FBLN1: variants seen among roughly 807,000 people sequenced by gnomAD.
FBLN1 encodes the protein fibulin-1.
A neutral mutation model predicts 89.7 loss-of-function variants in FBLN1; 34 were observed. The ratio of observed to expected loss-of-function variants is 0.38; its 90% CI spans 0.29 to 0.50. The LOEUF is 0.50. FBLN1 is among the 20% of genes least tolerant of loss of function. FBLN1 has a pLI of 0.92. For missense variants in FBLN1, 777 were observed against 988.1 expected, an observed-to-expected ratio of 0.79 and a Z score of 2.86; for synonymous variants, 393 against 391.3, an observed-to-expected ratio of 1.00 and a Z score of -0.05.
In FBLN1 at chr22:45,588,162, G is replaced by A. The variant is rs894443451; in HGVS notation, c.1972+11054G>A. Among the ~76,000 whole-genome samples the A allele has an allele frequency of 1.3e-5, 2 of 152,166 alleles. No homozygotes were observed. Among genetic ancestry groups the A allele is most frequent in the East Asian group, 1.9e-4 (1 of 5,196 alleles). On this transcript the variant is annotated intron_variant, in intron 16 of 16. Transcript: ENST00000327858. The surrounding 1 kb of genome is among the most constrained non-coding windows in gnomAD (Gnocchi z 5.1). ...AGTGGGAGGCGGGGTGCAGCATGGC[G>A]GTACAGCTTTAAATCTGGTGGTCAG...
intron 1 of FBLN1, among the ~76,000 whole-genome samples, chr22:45,506,061 G>A (rs891373512): frequency 6.6e-6 from 1 of 152,236 alleles, no homozygotes; most frequent in Non-Finnish European, 1.5e-5. Flanking sequence ...GAGCCACCGT[G>A]CCGGCTGGCA....
At chr22:45,524,847 G>A (rs1048790495) in intron 2 of FBLN1, among the ~76,000 whole-genome samples, 11 of 152,150 alleles carry the variant, frequency 7.2e-5, no homozygotes, top group African/African-American at 2.2e-4. Flanking sequence ...CACTTCGGGA[G>A]GCTGAGGCGG....
chr22:45,533,022 T>C, intron 5 of FBLN1, 41 bp from the exon 6 acceptor site: 1 of 1,559,902 alleles, frequency 6.4e-7, no homozygotes, highest in South Asian at 1.1e-5. Flanking sequence ...AGGCGGTGCC[T>C]GGGTGCGTCC....
Position 45,550,687 on chromosome 22 carries a change from T to G in FBLN1, c.1697+72T>G, listed in dbSNP as rs2088690920. On this transcript the variant is annotated intron_variant, in intron 14 of 16. Coordinates refer to ENST00000327858, the MANE Select transcript of FBLN1 (RefSeq NM_006486.3). The surrounding 1 kb of genome is among the most constrained non-coding windows in gnomAD (Gnocchi z 8.4). Reference sequence around the variant, plus strand: ...CCTGGTGACCCAGTTCCCGGGTGGGTGGGTTATCAGGCTGTGACCTCGGTG... The same window carrying G: ...CCTGGTGACCCAGTTCCCGGGTGGGGGGGTTATCAGGCTGTGACCTCGGTG... 1 of 1,609,866 alleles carries G rather than the reference T, an allele frequency of 6.2e-7. No individual in the cohort carries two copies. Among genetic ancestry groups the G allele is most frequent in the Non-Finnish European group, 8.5e-7 (1 of 1,177,078 alleles).
chr22:45,594,630 G>A (rs62225056), intron 16 of FBLN1, among the ~76,000 whole-genome samples: 9 of 151,962 alleles, frequency 5.9e-5, no homozygotes, highest in African/African-American at 1.9e-4. Flanking sequence ...GGACAGATGG[G>A]TTGATTGGTG....
chr22:45,534,225 G>A (rs2088450788), intron 7 of FBLN1, among the ~76,000 whole-genome samples: 1 of 126,392 alleles, frequency 7.9e-6, no homozygotes, highest in South Asian at 2.6e-4. Context: ...TTTCTAAAAA[G>A]GCTCAGTGCA....
chr22:45,508,260 C>T (rs1017675958), intron 1 of FBLN1, among the ~76,000 whole-genome samples: 2 of 148,566 alleles, frequency 1.3e-5, no homozygotes, highest in Non-Finnish European at 3.0e-5. Context: ...ATACCCCTCA[C>T]CAGCACACTG....
rs150222905 is a variant in FBLN1, at chr22:45,516,347, G to A, written c.80-2335G>A. On this transcript the variant is annotated intron_variant, in intron 1 of 16. Coordinates refer to ENST00000327858, the MANE Select transcript of FBLN1 (RefSeq NM_006486.3). ...TGGCTGCACAGGGGAGAGCAGCCTCGCTGTCAGGCCACATGGCTGGATCAC... is the reference window on the plus strand; with the variant it reads ...TGGCTGCACAGGGGAGAGCAGCCTCACTGTCAGGCCACATGGCTGGATCAC... 3.5e-3 allele frequency among the ~76,000 whole-genome samples: 534 copies of A among 152,308 alleles called. 2 individuals carry two copies. Among genetic ancestry groups the A allele is most frequent in the African/African-American group, 0.012 (502 of 41,550 alleles).
chr22:45,546,997 G>T, intron 11 of FBLN1, 88 bp from the exon 12 acceptor site: 3 of 1,595,540 alleles, frequency 1.9e-6, no homozygotes, highest in Non-Finnish European at 1.7e-6. Flanking sequence ...GAGGTGGAGA[G>T]GAGATTTTCT....
At chr22:45,559,443 T>C (rs1383768220) in intron 14 of FBLN1, among the ~76,000 whole-genome samples, 1 of 152,196 alleles carries the variant, frequency 6.6e-6, no homozygotes. Context: ...TTTACTGTTT[T>C]TCTAGGTAGA....
In FBLN1 at chr22:45,574,747, T is replaced by G; in HGVS notation, c.1840+94T>G. 2 of 1,041,340 alleles carry G rather than the reference T, an allele frequency of 1.9e-6. No homozygotes were observed. The highest frequency in any genetic ancestry group is 2.9e-6 in the Non-Finnish European group (2 of 693,504). The allele number at this position is 1,041,340 out of a possible 1,614,324, so 64.5% of individuals were successfully genotyped here. A position where few individuals can be genotyped will look rare whatever the true frequency, so the allele number is the denominator to read the frequency against. On this transcript the variant is annotated intron_variant, in intron 15 of 16. Coordinates refer to ENST00000327858, the MANE Select transcript of FBLN1 (RefSeq NM_006486.3). This position sits in a 1 kb window ranked among gnomAD's most constrained non-coding sequence, Gnocchi z 4.1. Reference sequence around the variant, plus strand: ...CCTACAGGAGTTGTTCCTTGTAAGATGTGGCCCAGGCTTTGAAATGCAGAA... The same window carrying G: ...CCTACAGGAGTTGTTCCTTGTAAGAGGTGGCCCAGGCTTTGAAATGCAGAA...
rs1490006624 is a variant in FBLN1 at position 45,561,249 on chromosome 22, T to A, written c.1697+10634T>A. 6.6e-6 allele frequency among the ~76,000 whole-genome samples: 1 copy of A among 152,216 alleles called. No individual in the cohort carries two copies. Among genetic ancestry groups the A allele is most frequent in the African/African-American group, 2.4e-5 (1 of 41,466 alleles). ...GTCTGTTTTTCCACAATTTCAGCTC[T>A]TCCTCTACAGGAGATAAGACTCTCA... On this transcript the variant is annotated intron_variant, in intron 14 of 16. Coordinates refer to ENST00000327858, the MANE Select transcript of FBLN1 (RefSeq NM_006486.3). This position sits in a 1 kb window ranked among gnomAD's most constrained non-coding sequence, Gnocchi z 4.7.
In FBLN1 at chr22:45,533,864, T is replaced by C; in HGVS notation, c.750T>C (p.Thr250=). ...FRCQRDSSCG[T]GYELTEDNSC... ...GCCAGCGGGACAGCAGCTGCGGGACTGGCTATGAGCTCACAGAGGACAATA... is the reference window on the plus strand; with the variant it reads ...GCCAGCGGGACAGCAGCTGCGGGACCGGCTATGAGCTCACAGAGGACAATA... Residue 250 remains threonine (T), a synonymous_variant, in exon 7 of 17, where the codon ACT becomes ACC. Coordinates refer to ENST00000327858, the MANE Select transcript of FBLN1 (RefSeq NM_006486.3). 6.2e-7 allele frequency: 1 copy of C among 1,614,142 alleles called. No individual in the cohort carries two copies. Among genetic ancestry groups the C allele is most frequent in the South Asian group, 1.1e-5 (1 of 91,080 alleles).
In FBLN1 at chr22:45,588,467, G is replaced by A. The variant is rs182087148; in HGVS notation, c.1972+11359G>A. ...CAGAAGAGCCTCCAGGGGTTTATTC[G>A]TGCAAGGCTACCCTCTGTCACCCTG... On this transcript the variant is annotated intron_variant, in intron 16 of 16. Transcript: ENST00000327858. This position sits in a 1 kb window ranked among gnomAD's most constrained non-coding sequence, Gnocchi z 5.1. Among the ~76,000 whole-genome samples the A allele has an allele frequency of 2.0e-4, 30 of 152,244 alleles. No individual in the cohort carries two copies. The highest frequency in any genetic ancestry group is 6.5e-4 in the African/African-American group (27 of 41,534).
At chr22:45,534,699 T>G (rs1349493075) in intron 7 of FBLN1, among the ~76,000 whole-genome samples, 1 of 152,210 alleles carries the variant, frequency 6.6e-6, no homozygotes, top group Non-Finnish European at 1.5e-5. Context: ...TAGAGCCCAG[T>G]GGCCAAGCCA....
chr22:45,598,464 A>G (rs2089204548), intron 16 of FBLN1, among the ~76,000 whole-genome samples: 2 of 152,178 alleles, frequency 1.3e-5, no homozygotes, highest in South Asian at 4.1e-4. Context: ...GTCAGCACCC[A>G]TAGGTCTGTG....
chr22:45,538,726 T>A (rs1036626641), intron 8 of FBLN1, among the ~76,000 whole-genome samples: 2 of 152,124 alleles, frequency 1.3e-5, no homozygotes, highest in Non-Finnish European at 2.9e-5. Context: ...CTGCCCATGG[T>A]ACCCGCTCCC....
At chr22:45,600,257 G>C (rs200672615) in intron 16 of FBLN1, 50 bp from the exon 17 acceptor site, 2 of 1,612,574 alleles carry the variant, frequency 1.2e-6, no homozygotes, top group African/African-American at 2.7e-5. Flanking sequence ...AGATCTCTAC[G>C]TTGCTGCAGT....
At chr22:45,508,999 C>T (rs1364223928) in intron 1 of FBLN1, among the ~76,000 whole-genome samples, 1 of 152,106 alleles carries the variant, frequency 6.6e-6, no homozygotes, top group Non-Finnish European at 1.5e-5. Flanking sequence ...TGTGCATTGG[C>T]GGTAGTTAGG....
Sources: allele counts gnomAD v4.1 joint callset (sites outside exome capture counted in the v4.1 genomes callset), GRCh38; gene constraint gnomAD v4.1.1; non-coding constraint Gnocchi (gnomAD v3.1); transcripts MANE v1.5; gene names NCBI Gene and HGNC (gene_info 2026-07-23, HGNC 2026-07-21).